Variants in POLE2 observed in about 807,000 individuals in gnomAD.
The protein encoded by POLE2 is DNA polymerase epsilon subunit 2.
POLE2 carries 56 observed loss-of-function variants against 79.4 expected under a neutral mutation model. The ratio of observed to expected loss-of-function variants is 0.71; its 90% CI spans 0.57 to 0.88. The LOEUF (loss-of-function observed/expected upper bound fraction) is 0.88. POLE2 is among the 40% of genes least tolerant of loss of function. The pLI is 0.00. For synonymous variants in POLE2, 212 were observed against 214.0 expected (o/e 0.99, Z 0.08); for missense variants, 598 against 638.9 (o/e 0.94, Z 0.69).
chr14:49,652,071 C>G (rs1010559821), intron 15 of POLE2, among the ~76,000 whole-genome samples: 7 of 151,902 alleles, frequency 4.6e-5, no homozygotes, highest in Non-Finnish European at 1.0e-4. Context: ...GTCCCTTTTT[C>G]CAATGAGGGT....
intron 1 of POLE2, among the ~76,000 whole-genome samples, chr14:49,683,949 T>G (rs528739347): frequency 6.6e-6 from 1 of 152,320 alleles, no homozygotes; most frequent in African/African-American, 2.4e-5. Flanking sequence ...CAATCTCCCC[T>G]TTCTTCTGAA....
At chr14:49,685,791 T>G (rs1482032290) in intron 1 of POLE2, among the ~76,000 whole-genome samples, 3 of 149,808 alleles carry the variant, frequency 2.0e-5, no homozygotes, top group African/African-American at 4.9e-5. Flanking sequence ...GCTGGTTGGT[T>G]TTTTTTTTTG....
At position 49,654,072 on chromosome 14, in the gene POLE2, A is replaced by G. The variant is rs2139620800; in HGVS notation, c.1134-5T>C. 2 of 1,600,342 alleles carry G rather than the reference A, an allele frequency of 1.2e-6. No homozygotes were observed. The highest frequency in any genetic ancestry group is 3.3e-5 in the Admixed American group (2 of 59,718). On this transcript the variant is annotated splice_region_variant and splice_polypyrimidine_tract_variant and intron_variant, in intron 14 of 18. Transcript: ENST00000216367. ...ATGCTTTCAGCAAGTGGTGGCCTAT[A>G]AAAACAATTTATGTGATATAGTTTA...
At chr14:49,667,061 G>A (rs372251009) in intron 6 of POLE2, among the ~76,000 whole-genome samples, 5 of 151,912 alleles carry the variant, frequency 3.3e-5, no homozygotes, top group African/African-American at 4.8e-5. Context: ...GGTGGCAGGC[G>A]CCTGTAGTCC....
At chr14:49,671,646 C>T (rs573755740) in intron 5 of POLE2, among the ~76,000 whole-genome samples, 1 of 133,342 alleles carries the variant, frequency 7.5e-6, no homozygotes, top group African/African-American at 2.7e-5. Flanking sequence ...AAAAGACGTA[C>T]TACTGGGTTC....
Position 49,655,771 on chromosome 14 carries a change from T to C in POLE2, c.828A>G (p.Lys276=). ...NTSVKTSAKL[K]QLEEENKDAM... ...CATCTTTATTCTCCTCTTCTAGCTG[T>C]TTTAGTTTTGCAGAAGTCTTCACAG... is the stretch of plus-strand genomic sequence containing the variant. Residue 276 remains lysine, a synonymous_variant, in exon 11 of 19, where the codon AAA becomes AAG. Coordinates refer to ENST00000216367, the MANE Select transcript of POLE2 (RefSeq NM_002692.4). 1 of 1,608,406 alleles carries C rather than the reference T, an allele frequency of 6.2e-7. No homozygotes were observed. The highest frequency in any genetic ancestry group is 1.1e-5 in the South Asian group (1 of 90,748).
At chr14:49,673,669 G>T (rs1886050443) in intron 5 of POLE2, among the ~76,000 whole-genome samples, 1 of 152,180 alleles carries the variant, frequency 6.6e-6, no homozygotes, top group African/African-American at 2.4e-5. Flanking sequence ...CTACTTGAAA[G>T]TGGTAAAGTA....
At chr14:49,685,622 C>A (rs960950423) in intron 1 of POLE2, among the ~76,000 whole-genome samples, 30 of 151,396 alleles carry the variant, frequency 2.0e-4, no homozygotes, top group African/African-American at 7.3e-4. Context: ...TCTTTTTTTT[C>A]TTTCTTTCTT....
chr14:49,685,105 T>C (rs1887033858), intron 1 of POLE2, among the ~76,000 whole-genome samples: 1 of 152,158 alleles, frequency 6.6e-6, no homozygotes, highest in South Asian at 2.1e-4. Context: ...ACTTTATACC[T>C]CACATCAATA....
Position 49,665,165 on chromosome 14 carries a change from T to TA in POLE2, c.577-3dup, listed in dbSNP as rs1446110127. On this transcript the variant is annotated splice_polypyrimidine_tract_variant and splice_region_variant and intron_variant, in intron 7 of 18. Transcript: ENST00000216367. Reference sequence around the variant, plus strand: ...AGGATCTTCCAGAAAAAATTTTCCCTAAAAAAATGAAAATAAATAAATCCA... The same window carrying TA: ...AGGATCTTCCAGAAAAAATTTTCCCTAAAAAAAATGAAAATAAATAAATCCA... 12 of 1,287,158 alleles carry TA rather than the reference T, an allele frequency of 9.3e-6. No homozygotes were observed. Among genetic ancestry groups the TA allele is most frequent in the Middle Eastern group, 1.8e-4 (1 of 5,422 alleles). The allele number at this position is 1,287,158 out of a possible 1,614,324, so 79.7% of individuals were successfully genotyped here. A position where few individuals can be genotyped will look rare whatever the true frequency, so the allele number is the denominator to read the frequency against.
intron 3 of POLE2, among the ~76,000 whole-genome samples, chr14:49,679,217 A>G (rs1886524484): frequency 1.3e-5 from 2 of 152,118 alleles, no homozygotes; most frequent in South Asian, 4.1e-4. Flanking sequence ...TCATATCAAG[A>G]GGAAAGAGGG....
Position 49,643,582 on chromosome 14 carries a change from A to T in POLE2, c.*70T>A. The T allele has an allele frequency of 1.2e-6, 1 of 813,554 alleles. No individual in the cohort carries two copies. Among genetic ancestry groups the T allele is most frequent in the Non-Finnish European group, 2.0e-6 (1 of 492,938 alleles). The allele number at this position is 813,554 out of a possible 1,614,324, so 50.4% of individuals were successfully genotyped here. On this transcript the variant is annotated 3_prime_UTR_variant, in exon 19 of 19. Transcript: ENST00000216367. ...AAGTTTACCATAATTTTATTGTAAT[A>T]TCAGAATCACATAAGATATAGAGTT...
At chr14:49,687,757 T>C (rs1255481762) in intron 1 of POLE2, among the ~76,000 whole-genome samples, 5 of 151,732 alleles carry the variant, frequency 3.3e-5, no homozygotes, top group Non-Finnish European at 7.4e-5. Context: ...TGGAGTAGAG[T>C]GGCACGATAT....
chr14:49,660,172 T>C (rs1052971331), intron 10 of POLE2, among the ~76,000 whole-genome samples: 2 of 152,246 alleles, frequency 1.3e-5, no homozygotes, highest in Admixed American at 6.5e-5. Flanking sequence ...TACAGTTGCC[T>C]ATAGTATTCA....
intron 3 of POLE2, among the ~76,000 whole-genome samples, chr14:49,676,024 T>G (rs1420902661): frequency 2.0e-5 from 3 of 152,160 alleles, no homozygotes; most frequent in Non-Finnish European, 4.4e-5. Flanking sequence ...AGTGCTGGGA[T>G]TACAGGCCTG....
At chr14:49,651,542 G>C (rs1343420917) in intron 15 of POLE2, 165 bp from the exon 16 acceptor site, 2 of 455,614 alleles carry the variant, frequency 4.4e-6, no homozygotes, top group Non-Finnish European at 7.9e-6. Context: ...GCTATGTATT[G>C]AGCTCTTAAT....
chr14:49,684,322 G>A (rs1431137923), intron 1 of POLE2, among the ~76,000 whole-genome samples: 1 of 151,926 alleles, frequency 6.6e-6, no homozygotes, highest in Non-Finnish European at 1.5e-5. Flanking sequence ...AAATTTAGCC[G>A]GGCATGGTGG....
intron 13 of POLE2, chr14:49,654,559 C>T (rs1027074717): frequency 8.2e-6 from 4 of 485,072 alleles, no homozygotes; most frequent in Non-Finnish European, 1.4e-5. Context: ...AGTAATGCCA[C>T]GAAGAAATTC....
intron 5 of POLE2, among the ~76,000 whole-genome samples, chr14:49,669,844 G>A (rs557161692): frequency 1.6e-4 from 24 of 152,304 alleles, no homozygotes; most frequent in African/African-American, 5.8e-4. Flanking sequence ...ATTGTAGGCT[G>A]AGGATATGAA....
Sources: gnomAD v4.1 joint callset for allele counts (sites outside exome capture counted in the v4.1 genomes callset) on GRCh38, gnomAD v4.1.1 for gene constraint, MANE v1.5 for transcripts, NCBI Gene and HGNC (gene_info 2026-07-23, HGNC 2026-07-21) for gene names.